Variants in USH2A observed in about 807,000 individuals in gnomAD.
The protein encoded by USH2A is Usher syndrome 2A (autosomal recessive, mild).
Under a neutral mutation model 538.9 loss-of-function variants are expected in USH2A, and 443 were observed. That is an observed-to-expected ratio of 0.82 (90% CI 0.76 to 0.89). USH2A has a LOEUF of 0.89. Among genes scored for constraint, USH2A ranks in the 40% least tolerant of loss-of-function variants. The probability of loss-of-function intolerance (pLI) is 0.00; values close to 1 mark genes in which losing one functional copy is unlikely to be tolerated. For synonymous variants in USH2A, 2,413 were observed against 2,273.5 expected (o/e 1.06, Z -1.75); for missense variants, 6,633 against 6,324.8 (o/e 1.05, Z -1.65).
At chr1:215,731,726 C>T (rs767031619) in intron 60 of USH2A, among the ~76,000 whole-genome samples, 3 of 152,196 alleles carry the variant, frequency 2.0e-5, no homozygotes, top group Non-Finnish European at 4.4e-5. Flanking sequence ...CAGCAATTGT[C>T]ACTGCTTATT....
At chr1:215,857,542 A>G (rs1333479389) in intron 44 of USH2A, among the ~76,000 whole-genome samples, 5 of 151,926 alleles carry the variant, frequency 3.3e-5, no homozygotes, top group African/African-American at 1.2e-4. Flanking sequence ...CATATTCAAT[A>G]AGCCTCAGGA....
chr1:216,045,799 T>G (rs1177285873), intron 32 of USH2A, among the ~76,000 whole-genome samples: 1 of 152,054 alleles, frequency 6.6e-6, no homozygotes, highest in Non-Finnish European at 1.5e-5. Flanking sequence ...TAAGGGGTGG[T>G]GGGCTCTATA....
intron 32 of USH2A, among the ~76,000 whole-genome samples, chr1:216,041,509 T>C (rs2102520562): frequency 6.6e-6 from 1 of 152,178 alleles, no homozygotes; most frequent in African/African-American, 2.4e-5. Context: ...ATGTCGATTC[T>C]ATATGGAAAC....
At chr1:215,924,720 T>C (rs553427486) in intron 38 of USH2A, among the ~76,000 whole-genome samples, 42 of 152,204 alleles carry the variant, frequency 2.8e-4, no homozygotes, top group African/African-American at 9.6e-4. Context: ...CAATGGAACT[T>C]AAAGGAACAA....
At chr1:215,759,149 C>A (rs1358895929) in intron 57 of USH2A, among the ~76,000 whole-genome samples, 1 of 152,128 alleles carries the variant, frequency 6.6e-6, no homozygotes, top group African/African-American at 2.4e-5. Context: ...TGAAATTGAT[C>A]TCTACTTTCT....
In USH2A at chr1:215,949,845, C is replaced by T. The variant is rs73092433; in HGVS notation, c.7121-15050G>A. On this transcript the variant is annotated intron_variant, in intron 37 of 71. Coordinates refer to ENST00000307340, the MANE Select transcript of USH2A (RefSeq NM_206933.4). ...AGAATTACTATCTATATTATTTTAG[C>T]TTCCATAAATACCAAAACAAATTTT... Among the ~76,000 whole-genome samples the T allele has an allele frequency of 6.5e-3, 989 of 152,112 alleles. 12 individuals are homozygous for T. Among genetic ancestry groups the T allele is most frequent in the African/African-American group, 0.022 (933 of 41,516 alleles).
intron 21 of USH2A, among the ~76,000 whole-genome samples, chr1:216,154,359 C>T (rs953226022): frequency 6.6e-6 from 1 of 152,066 alleles, no homozygotes; most frequent in African/African-American, 2.4e-5. Flanking sequence ...GCAGTATACA[C>T]ACTGCTTAAG....
At chr1:216,116,690 A>T (rs2033016749) in intron 21 of USH2A, among the ~76,000 whole-genome samples, 1 of 152,164 alleles carries the variant, frequency 6.6e-6, no homozygotes. Flanking sequence ...ATGAACTCAC[A>T]GTCTCCACTC....
At chr1:216,196,979 C>T (rs180776426) in intron 18 of USH2A, among the ~76,000 whole-genome samples, 2 of 152,176 alleles carry the variant, frequency 1.3e-5, no homozygotes, top group East Asian at 3.9e-4. Context: ...GGAATTTGCT[C>T]ATGTTCATAA....
At position 215,782,833 on chromosome 1, in the gene USH2A, T is replaced by C. The variant is rs146569216; in HGVS notation, c.10490A>G (p.Asp3497Gly). 72 of 1,614,010 alleles carry C rather than the reference T, an allele frequency of 4.5e-5. No homozygotes were observed. The African/African-American group carries it at 9.6e-4, about 22-fold the overall frequency. ...SKAVRARTKE[D>G]VPQGVSPPTW... is the part of the protein sequence containing the mutation. ...AGGGGGACTCACTCCTTGAGGCACA[T>C]CTTCTTTTGTTCTGGCTCTCACAGC... Residue 3497 changes from aspartate to glycine, a missense_variant, in exon 53 of 72, where the codon GAT becomes GGT. Physicochemically the swap from Asp to Gly is moderately conservative, Grantham distance 94. Coordinates refer to ENST00000307340, the MANE Select transcript of USH2A (RefSeq NM_206933.4).
chr1:215,679,489 T>G (rs1265405928), intron 62 of USH2A, among the ~76,000 whole-genome samples: 1 of 152,194 alleles, frequency 6.6e-6, no homozygotes, highest in Non-Finnish European at 1.5e-5. Context: ...GCCACCATCC[T>G]TGGGGAGGAA....
Position 215,790,096 on chromosome 1 carries a change from A to C in USH2A, c.10145T>G (p.Val3382Gly), listed in dbSNP as rs1198689866. Reference protein sequence around the residue: ...NGVGYNPLKYVCSDKISTGMM... With the variant: ...NGVGYNPLKYGCSDKISTGMM... ...TCCAGTTGAAATCTTGTCAGAGCAA[A>C]CATATTTCAAAGGATTATATCCAAC... Residue 3382 changes from valine to glycine, a missense_variant, in exon 51 of 72, where the codon GTT becomes GGT. Transcript: ENST00000307340. 1.4e-5 allele frequency: 22 copies of C among 1,613,466 alleles called. No homozygotes were observed. Among genetic ancestry groups the C allele is most frequent in the Non-Finnish European group, 1.8e-5 (21 of 1,179,950 alleles).
At chr1:215,701,276 T>C (rs1659006867) in intron 61 of USH2A, among the ~76,000 whole-genome samples, 1 of 152,200 alleles carries the variant, frequency 6.6e-6, no homozygotes, top group South Asian at 2.1e-4. Flanking sequence ...AGAAAGTATA[T>C]TCTGTTGATT....
chr1:215,836,488 T>TTATATATATATAATATATATTA (rs201391869), intron 47 of USH2A, among the ~76,000 whole-genome samples: 209 of 20,734 alleles, frequency 0.01, 24 homozygotes, highest in African/African-American at 0.027. Context: ...ATAATATATA[T>TTATATATATATAATATATATTA]TATATATATA....
chr1:215,693,033 C>T (rs1191111200), intron 61 of USH2A, among the ~76,000 whole-genome samples: 1 of 150,910 alleles, frequency 6.6e-6, no homozygotes, highest in African/African-American at 2.4e-5. Context: ...CCTCCTGAGT[C>T]ACCACAGGTG....
At chr1:216,089,190 T>A in intron 22 of USH2A, 51 bp from the exon 23 acceptor site, 1 of 1,567,394 alleles carries the variant, frequency 6.4e-7, no homozygotes, top group Non-Finnish European at 8.8e-7. Context: ...TATCTACAAA[T>A]AAACACACAC....
At position 215,674,792 on chromosome 1, in the gene USH2A, A is replaced by G. The variant is rs371158288; in HGVS notation, c.13119T>C (p.Asn4373=). 5 of 1,614,110 alleles carry G rather than the reference A, an allele frequency of 3.1e-6. No homozygotes were observed. The highest frequency in any genetic ancestry group is 2.2e-5 in the South Asian group (2 of 91,080). Residue 4373 remains asparagine (N), a synonymous_variant, in exon 63 of 72, where the codon AAT becomes AAC. Transcript: ENST00000307340. The stretch of plus-strand genomic sequence containing the variant: ...GCACTGTGGGCGGTGACCAACATAC[A>G]TTCATTTGAGTGGCACTGACGGCCC... ...DLWAVSATQM[N]VCWSPPTVQN...
rs541791428 is a variant in USH2A, at chr1:216,084,934, A to G, written c.4988-57T>C. 3.9e-5 allele frequency: 61 copies of G among 1,562,200 alleles called. No individual in the cohort carries two copies. In the Admixed American group the frequency reaches 1.0e-3, roughly 26 times the overall value. ...TATTTTGAAAGATTATTTTCAAGCA[A>G]TTAATTTTATGTGCCATTAAAGTCA... On this transcript the variant is annotated intron_variant, in intron 24 of 71. Transcript: ENST00000307340.
chr1:215,855,699 T>C (rs12731038), intron 44 of USH2A, among the ~76,000 whole-genome samples: 1 of 152,084 alleles, frequency 6.6e-6, no homozygotes, highest in Admixed American at 6.6e-5. Flanking sequence ...AAAATTCATA[T>C]GTAATCAAAA....
Sources: gnomAD v4.1 joint callset for allele counts (sites outside exome capture counted in the v4.1 genomes callset) on GRCh38, gnomAD v4.1.1 for gene constraint, MANE v1.5 for transcripts, NCBI Gene and HGNC (gene_info 2026-07-23, HGNC 2026-07-21) for gene names.